PRKN: variants seen among roughly 807,000 people sequenced by gnomAD.
PRKN encodes E3 ubiquitin-protein ligase parkin.
In PRKN, 56 loss-of-function variants were observed where a neutral mutation model predicts 59.5. That is an observed-to-expected ratio of 0.94 (90% CI 0.76 to 1.18). The LOEUF is 1.18. PRKN is among the 50% of genes most tolerant of loss of function. The probability of loss-of-function intolerance (pLI) is 0.00; values close to 1 mark genes in which losing one functional copy is unlikely to be tolerated. For synonymous variants in PRKN, 250 were observed against 222.1 expected (o/e 1.13, Z -1.12); for missense variants, 657 against 596.4 (o/e 1.10, Z -1.06).
At chr6:162,433,093 G>A (rs932451562) in intron 2 of PRKN, among the ~76,000 whole-genome samples, 3 of 152,136 alleles carry the variant, frequency 2.0e-5, no homozygotes, top group African/African-American at 7.2e-5. Flanking sequence ...AGAATAAATC[G>A]TGGGATGAAT....
intron 2 of PRKN, among the ~76,000 whole-genome samples, chr6:162,335,227 A>T (rs747901873): frequency 4.0e-5 from 6 of 150,452 alleles, no homozygotes; most frequent in South Asian, 2.1e-4. Context: ...TTTTTAGTAG[A>T]GATGGGGTTT....
At chr6:162,087,935 G>A (rs1317502792) in intron 4 of PRKN, among the ~76,000 whole-genome samples, 1 of 152,096 alleles carries the variant, frequency 6.6e-6, no homozygotes, top group Non-Finnish European at 1.5e-5. Context: ...TATGCACAGC[G>A]TGGACATTCC....
At chr6:162,492,714 G>T (rs1792872890) in intron 1 of PRKN, among the ~76,000 whole-genome samples, 1 of 152,120 alleles carries the variant, frequency 6.6e-6, no homozygotes, top group Admixed American at 6.5e-5. Context: ...CACTTTGGGA[G>T]GCCAAGGTGG....
chr6:162,542,179 G>A (rs1010574190), intron 1 of PRKN, among the ~76,000 whole-genome samples: 1 of 151,986 alleles, frequency 6.6e-6, no homozygotes, highest in African/African-American at 2.4e-5. Flanking sequence ...CTTCTTTTAG[G>A]GATATTACTT....
At chr6:162,145,423 A>G (rs1215630345) in intron 4 of PRKN, among the ~76,000 whole-genome samples, 2 of 152,182 alleles carry the variant, frequency 1.3e-5, no homozygotes, top group Non-Finnish European at 2.9e-5. Flanking sequence ...GCTAAGCATA[A>G]TGTCAGGCCC....
intron 4 of PRKN, among the ~76,000 whole-genome samples, chr6:162,060,314 T>C (rs1778047079): frequency 6.6e-6 from 1 of 152,212 alleles, no homozygotes; most frequent in South Asian, 2.1e-4. Flanking sequence ...AATTGAATCC[T>C]GGGATTCATC....
chr6:162,574,088 A>G (rs999821723), intron 1 of PRKN, among the ~76,000 whole-genome samples: 10 of 152,182 alleles, frequency 6.6e-5, no homozygotes, highest in African/African-American at 2.4e-4. Context: ...TCCACCTGGT[A>G]CATGGTCTGG....
At chr6:162,304,618 A>G (rs1031174220) in intron 2 of PRKN, among the ~76,000 whole-genome samples, 3 of 150,536 alleles carry the variant, frequency 2.0e-5, no homozygotes, top group Admixed American at 6.6e-5. Flanking sequence ...ACACTTATAT[A>G]TGATCCTCTT....
intron 1 of PRKN, among the ~76,000 whole-genome samples, chr6:162,507,130 A>G (rs1793645399): frequency 6.6e-6 from 1 of 152,098 alleles, no homozygotes; most frequent in Non-Finnish European, 1.5e-5. Context: ...CACCTCCAAA[A>G]TATACTGAAT....
intron 6 of PRKN, among the ~76,000 whole-genome samples, chr6:161,879,380 G>A: frequency 8.3e-6 from 1 of 120,288 alleles, no homozygotes; most frequent in South Asian, 2.6e-4. Context: ...GTCTTGCTCT[G>A]TTGCCCAGGC....
chr6:162,069,613 A>C (rs1778489647), intron 4 of PRKN, among the ~76,000 whole-genome samples: 1 of 152,230 alleles, frequency 6.6e-6, no homozygotes, highest in South Asian at 2.1e-4. Flanking sequence ...GCAAGAACGT[A>C]TTATAGAAGC....
At chr6:161,416,160 C>A (rs928821276) in intron 9 of PRKN, among the ~76,000 whole-genome samples, 1 of 152,166 alleles carries the variant, frequency 6.6e-6, no homozygotes, top group Admixed American at 6.5e-5. Context: ...TCACATTTTA[C>A]TGGGACACAG....
At chr6:162,381,955 C>T (rs1786510692) in intron 2 of PRKN, among the ~76,000 whole-genome samples, 1 of 152,084 alleles carries the variant, frequency 6.6e-6, no homozygotes, top group Non-Finnish European at 1.5e-5. Context: ...AGCACAATTG[C>T]AGATCAGGAG....
intron 1 of PRKN, among the ~76,000 whole-genome samples, chr6:162,526,073 G>A: frequency 6.6e-6 from 1 of 152,032 alleles, no homozygotes; most frequent in Non-Finnish European, 1.5e-5. Flanking sequence ...AATTTCTGAG[G>A]CTCAAGCGAT....
chr6:162,445,333 C>T (rs929904118), intron 1 of PRKN, among the ~76,000 whole-genome samples: 3 of 152,002 alleles, frequency 2.0e-5, no homozygotes, highest in Non-Finnish European at 4.4e-5. Flanking sequence ...AAATTTATTT[C>T]AATCTAACTC....
At chr6:162,103,583 T>A (rs1780067021) in intron 4 of PRKN, among the ~76,000 whole-genome samples, 1 of 151,992 alleles carries the variant, frequency 6.6e-6, no homozygotes, top group African/African-American at 2.4e-5. Flanking sequence ...GCAAAAATAT[T>A]TAAATTTCTG....
chr6:162,102,158 A>G (rs1485230825), intron 4 of PRKN, among the ~76,000 whole-genome samples: 2 of 152,070 alleles, frequency 1.3e-5, no homozygotes, highest in East Asian at 3.9e-4. Context: ...CCCAGCTTGC[A>G]TTTGTTATTA....
chr6:162,369,798 T>G (rs987502201), intron 2 of PRKN, among the ~76,000 whole-genome samples: 5 of 152,102 alleles, frequency 3.3e-5, no homozygotes, highest in Admixed American at 1.3e-4. Flanking sequence ...CCTTTTCCCC[T>G]ACAAAGCCCG....
chr6:161,439,588 A>T (rs954244467), intron 9 of PRKN, among the ~76,000 whole-genome samples: 1 of 152,218 alleles, frequency 6.6e-6, no homozygotes, highest in Non-Finnish European at 1.5e-5. Flanking sequence ...ACCAGAAGTG[A>T]AATGTCCTCT....
Sources: gnomAD v4.1 joint callset for allele counts (sites outside exome capture counted in the v4.1 genomes callset) on GRCh38, gnomAD v4.1.1 for gene constraint, MANE v1.5 for transcripts, NCBI Gene and HGNC (gene_info 2026-07-23, HGNC 2026-07-21) for gene names.